CACNA1I: variants seen among roughly 807,000 people sequenced by gnomAD.
The protein encoded by CACNA1I is calcium voltage-gated channel subunit alpha1 I, also known as voltage-dependent T-type calcium channel subunit alpha-1I.
A neutral mutation model predicts 201.6 loss-of-function variants in CACNA1I; 74 were observed. The ratio of observed to expected loss-of-function variants is 0.37; its 90% confidence interval spans 0.30 to 0.45. The LOEUF is 0.45. CACNA1I is among the 20% of genes least tolerant of loss of function. The pLI, the probability that CACNA1I is intolerant of heterozygous loss-of-function variation, is 1.00. For missense variants in CACNA1I, 2,346 were observed against 3,138.1 expected, an observed-to-expected ratio of 0.75 and a Z score of 6.03; for synonymous variants, 1,431 against 1,345.2, an observed-to-expected ratio of 1.06 and a Z score of -1.40.
At position 39,686,150 on chromosome 22, in the gene CACNA1I, G is replaced by A. The variant is rs947099367; in HGVS notation, c.6417G>A (p.Pro2139=). ...SLSLTSLFCP[P]PPPPAPGLTP... ...CGCTCACCTCCCTCTTCTGCCCGCC[G>A]CCCCCGCCGCCAGCCCCCGGCCTCA... Residue 2139 remains proline, a synonymous_variant, in exon 37 of 37, where the codon CCG becomes CCA. Coordinates refer to ENST00000402142, the MANE Select transcript of CACNA1I (RefSeq NM_021096.4). The A allele has an allele frequency of 6.0e-6, 7 of 1,172,320 alleles. No homozygotes were observed. Among genetic ancestry groups the A allele is most frequent in the South Asian group, 5.5e-5 (2 of 36,214 alleles). The allele number at this position is 1,172,320 out of a possible 1,614,324, so 72.6% of individuals were successfully genotyped here.
In CACNA1I at chr22:39,663,848, G is replaced by A; in HGVS notation, c.3597+7G>A. On this transcript the variant is annotated splice_region_variant and intron_variant, in intron 19 of 36. Coordinates refer to ENST00000402142, the MANE Select transcript of CACNA1I (RefSeq NM_021096.4). Reference sequence around the variant, plus strand: ...GATCGAGGCCGGCAGCACCGTGAGTGGCTGTAGCCTTTGGGCAGGGCAGGC... The same window carrying A: ...GATCGAGGCCGGCAGCACCGTGAGTAGCTGTAGCCTTTGGGCAGGGCAGGC... 1 of 1,613,396 alleles carries A rather than the reference G, an allele frequency of 6.2e-7. No homozygotes were observed.
intron 4 of CACNA1I, among the ~76,000 whole-genome samples, chr22:39,624,245 G>C (rs1933837621): frequency 6.6e-6 from 1 of 152,022 alleles, no homozygotes; most frequent in African/African-American, 2.4e-5. Context: ...GGTCCTCTTT[G>C]CTCCTCCTGG....
At chr22:39,576,448 T>TAA (rs1932355971) in intron 1 of CACNA1I, among the ~76,000 whole-genome samples, 1 of 152,236 alleles carries the variant, frequency 6.6e-6, no homozygotes, top group African/African-American at 2.4e-5. Context: ...CCGATTTCTG[T>TAA]GCCTCCCCAG....
At chr22:39,622,342 T>G (rs1933768789) in intron 4 of CACNA1I, among the ~76,000 whole-genome samples, 1 of 125,390 alleles carries the variant, frequency 8.0e-6, no homozygotes. Flanking sequence ...ATGTCTGAGT[T>G]GAGACCCAGG....
rs1464167701 is a variant in CACNA1I, at chr22:39,684,695, C to G, written c.6027+197C>G. ...GTGGCACTGGGGCGGATGGAGTGGG[C>G]GGGGCTGGGTCCTGGGGACAGCAGA... On this transcript the variant is annotated intron_variant, in intron 36 of 36. Transcript: ENST00000402142. The surrounding 1 kb of genome is among the most constrained non-coding windows in gnomAD (Gnocchi z 4.6). 561 of 395,854 alleles carry G rather than the reference C, an allele frequency of 1.4e-3. No homozygotes were observed. Among genetic ancestry groups the G allele is most frequent in the Middle Eastern group, 3.2e-3 (4 of 1,258 alleles). 24.5% of individuals were successfully genotyped at this position (395,854 alleles called of 1,614,324 possible). A position where few individuals can be genotyped will look rare whatever the true frequency, so the allele number is the denominator to read the frequency against.
chr22:39,573,557 C>T (rs9619820), intron 1 of CACNA1I, among the ~76,000 whole-genome samples: 3 of 152,116 alleles, frequency 2.0e-5, no homozygotes, highest in Admixed American at 2.0e-4. Context: ...AGACGGCAGA[C>T]GAATCACCCC....
intron 3 of CACNA1I, among the ~76,000 whole-genome samples, chr22:39,607,451 C>G (rs751212385): frequency 6.6e-6 from 1 of 152,198 alleles, no homozygotes; most frequent in African/African-American, 2.4e-5. Context: ...TGTAACCAAA[C>G]GCCCAGGTGG....
At position 39,679,449 on chromosome 22, in the gene CACNA1I, G is replaced by A. The variant is rs1935623166; in HGVS notation, c.5394+4G>A. On this transcript the variant is annotated splice_donor_region_variant and intron_variant, in intron 32 of 36. Transcript: ENST00000402142. Reference sequence around the variant, plus strand: ...GCGCTGCTACTCGCCTGCCCAGGTGGGCAGGGGCTGGAGAGGTGTGAGGGT... The same window carrying A: ...GCGCTGCTACTCGCCTGCCCAGGTGAGCAGGGGCTGGAGAGGTGTGAGGGT... 2.1e-6 allele frequency: 3 copies of A among 1,415,280 alleles called. No individual in the cohort carries two copies. Among genetic ancestry groups the A allele is most frequent in the Non-Finnish European group, 2.7e-6 (3 of 1,096,056 alleles). The allele number at this position is 1,415,280 out of a possible 1,614,324, so 87.7% of individuals were successfully genotyped here.
Position 39,677,396 on chromosome 22 carries a change from G to A in CACNA1I, c.4910G>A (p.Gly1637Glu). Residue 1637 changes from glycine (G) to glutamate (E), a missense_variant, in exon 30 of 37, where the codon GGG becomes GAG. Coordinates refer to ENST00000402142, the MANE Select transcript of CACNA1I (RefSeq NM_021096.4). The surrounding 1 kb of genome is among the most constrained non-coding windows in gnomAD (Gnocchi z 4.8). ...MLLFFIYAALGVELFGKLVCN... is the reference protein window; with the variant it reads ...MLLFFIYAALEVELFGKLVCN... The stretch of plus-strand genomic sequence containing the variant: ...CTCTTCTTCATCTATGCTGCTCTCG[G>A]GGTGGAGCTCTTTGGGAAGCTGGGT... The A allele has an allele frequency of 6.3e-7, 1 of 1,591,914 alleles. No individual in the cohort carries two copies. The highest frequency in any genetic ancestry group is 8.5e-7 in the Non-Finnish European group (1 of 1,171,282).
intron 34 of CACNA1I, 53 bp downstream of exon 34, chr22:39,681,105 C>A: frequency 6.4e-7 from 1 of 1,553,776 alleles, no homozygotes; most frequent in Admixed American, 1.8e-5. Flanking sequence ...GAAACCTGGC[C>A]CCTGCCCACC....
Position 39,646,774 on chromosome 22 carries a change from G to T in CACNA1I, c.1355G>T (p.Arg452Leu). Residue 452 changes from arginine to leucine, a missense_variant, in exon 8 of 37, where the codon CGC becomes CTC. Around this residue, in one of 13 missense-constraint regions of CACNA1I, gnomAD observed 312 missense variants for 331.5 expected, o/e 0.94. Transcript: ENST00000402142. ...VCHILRKAKR[R>L]ALGLYQALQS... ...CACATCCTGCGCAAGGCCAAGCGCC[G>T]CGCCCTGGGCCTCTACCAGGCCCTG... is the stretch of plus-strand genomic sequence containing the variant. 4 of 1,579,964 alleles carry T rather than the reference G, an allele frequency of 2.5e-6. No individual in the cohort carries two copies. Among genetic ancestry groups the T allele is most frequent in the Non-Finnish European group, 3.4e-6 (4 of 1,163,356 alleles).
Position 39,659,329 on chromosome 22 carries a change from C to T in CACNA1I, c.2331-104C>T, listed in dbSNP as rs1243784990. ...GTAAAATGGGACCAACGCTGCCCCG[C>T]CTCCCCCTGCCCTGCATTTTACTGA... On this transcript the variant is annotated intron_variant, in intron 12 of 36. Transcript: ENST00000402142. This position sits in a 1 kb window ranked among gnomAD's most constrained non-coding sequence, Gnocchi z 4.3. 8 of 960,978 alleles carry T rather than the reference C, an allele frequency of 8.3e-6. No homozygotes were observed. Among genetic ancestry groups the T allele is most frequent in the African/African-American group, 1.6e-5 (1 of 61,830 alleles). 59.5% of individuals were successfully genotyped at this position (960,978 alleles called of 1,614,324 possible).
At chr22:39,641,235 CTGGTG>C in intron 6 of CACNA1I, 53 bp downstream of exon 6, 2 of 1,492,456 alleles carry the variant, frequency 1.3e-6, no homozygotes, top group South Asian at 1.2e-5. Flanking sequence ...GCAGCTCTGC[CTGGTG>C]GGCAGGGCTC....
intron 16 of CACNA1I, 122 bp downstream of exon 16, chr22:39,661,432 G>T: frequency 1.3e-6 from 1 of 752,968 alleles, no homozygotes. Context: ...GTCAGGCAGG[G>T]GCCATGTCTG....
intron 5 of CACNA1I, among the ~76,000 whole-genome samples, chr22:39,636,637 T>C (rs1381313541): frequency 6.6e-6 from 1 of 152,168 alleles, no homozygotes; most frequent in Non-Finnish European, 1.5e-5. Context: ...AAGGCTTGTT[T>C]AGGGCAGGGA....
intron 24 of CACNA1I, 146 bp from the exon 25 acceptor site, chr22:39,669,892 T>C (rs927613920): frequency 8.4e-6 from 7 of 836,784 alleles, no homozygotes; most frequent in Non-Finnish European, 1.4e-5. Context: ...ACTTCTTACC[T>C]GCTGCCTCAT....
chr22:39,659,039 G>C lies in CACNA1I; in HGVS notation c.2253G>C (p.Gln751His). The C allele has an allele frequency of 6.2e-7, 1 of 1,613,150 alleles. No homozygotes were observed. Among genetic ancestry groups the C allele is most frequent in the South Asian group, 1.1e-5 (1 of 90,874 alleles). The change falls in exon 12 of 37, where the codon CAG (glutamine) becomes CAC (histidine). Residue 751 changes from glutamine (Q) to histidine (H), a missense_variant. Around this residue, in one of 13 missense-constraint regions of CACNA1I, gnomAD observed 155 missense variants for 300.8 expected, o/e 0.52. Coordinates refer to ENST00000402142, the MANE Select transcript of CACNA1I (RefSeq NM_021096.4). The surrounding 1 kb of genome is among the most constrained non-coding windows in gnomAD (Gnocchi z 4.3). ...GCTTCATGCCTGCCCTGCGGCGCCA[G>C]CTCGTGGTGCTCATGAAGACCATGG... ...LVRFMPALRRQLVVLMKTMDN... is the reference protein window; with the variant it reads ...LVRFMPALRRHLVVLMKTMDN...
Position 39,686,267 on chromosome 22 carries a change from C to G in CACNA1I, c.6534C>G (p.Pro2178=). The change falls in exon 37 of 37, where the codon CCC becomes CCG. Residue 2178 remains proline (P), a synonymous_variant. Transcript: ENST00000402142. ...AALAHGLARS[P]SWAADRSKDP... ...TGGCCCACGGCCTGGCCCGGAGCCC[C>G]TCGTGGGCCGCGGACCGCAGCAAGG... The G allele has an allele frequency of 1.5e-6, 2 of 1,300,466 alleles. No individual in the cohort carries two copies. The highest frequency in any genetic ancestry group is 9.8e-7 in the Non-Finnish European group (1 of 1,022,136). The allele number at this position is 1,300,466 out of a possible 1,614,324, so 80.6% of individuals were successfully genotyped here. A position where few individuals can be genotyped will look rare whatever the true frequency, so the allele number is the denominator to read the frequency against.
intron 1 of CACNA1I, among the ~76,000 whole-genome samples, chr22:39,589,682 G>A (rs1047361342): frequency 6.6e-6 from 1 of 152,178 alleles, no homozygotes; most frequent in African/African-American, 2.4e-5. Flanking sequence ...CCTCAGAGGA[G>A]CATGGAGCTG....
Sources: gnomAD v4.1 joint callset for allele counts (sites outside exome capture counted in the v4.1 genomes callset) on GRCh38, gnomAD v4.1.1 for gene constraint, gnomAD v4.1.1 regional missense constraint, Gnocchi (gnomAD v3.1) non-coding constraint, MANE v1.5 for transcripts, NCBI Gene and HGNC (gene_info 2026-07-23, HGNC 2026-07-21) for gene names.